The following LRMDA variants were observed in gnomAD, a reference collection of about 807,000 sequenced individuals.
LRMDA encodes the protein leucine rich melanocyte differentiation associated.
Under a neutral mutation model 29.8 loss-of-function variants are expected in LRMDA, and 18 were observed. The ratio of observed to expected loss-of-function variants is 0.60; its 90% CI spans 0.42 to 0.90. The LOEUF (loss-of-function observed/expected upper bound fraction) is 0.90, where lower values mean the gene tolerates loss of function less well. Ranked by LOEUF, LRMDA falls within the 40% of genes least tolerant of loss-of-function variation. The pLI, the probability that LRMDA is intolerant of heterozygous loss-of-function variation, is 0.00. For synonymous variants in LRMDA, 125 were observed against 109.4 expected (o/e 1.14, Z -0.89); for missense variants, 273 against 273.9 (o/e 1.00, Z 0.02).
intron 5 of LRMDA, among the ~76,000 whole-genome samples, chr10:76,252,389 T>C (rs1412151976): frequency 1.3e-5 from 2 of 152,126 alleles, no homozygotes; most frequent in African/African-American, 2.4e-5. Context: ...TTTGACATAA[T>C]ATTGTCAAGG....
At chr10:76,333,366 G>A (rs1443988459) in intron 6 of LRMDA, among the ~76,000 whole-genome samples, 3 of 152,176 alleles carry the variant, frequency 2.0e-5, no homozygotes, top group Non-Finnish European at 4.4e-5. Context: ...TGGTGGGATG[G>A]GATTGGAAGG....
At chr10:75,957,800 C>G (rs1846689841) in intron 2 of LRMDA, among the ~76,000 whole-genome samples, 1 of 151,998 alleles carries the variant, frequency 6.6e-6, no homozygotes, top group Admixed American at 6.6e-5. Context: ...GAGCAGGAGG[C>G]TTTTATAAGA....
intron 2 of LRMDA, among the ~76,000 whole-genome samples, chr10:75,860,382 C>T (rs548489580): frequency 2.2e-5 from 3 of 138,830 alleles, no homozygotes; most frequent in South Asian, 2.2e-4. Context: ...AGTGCAGTGG[C>T]GCGATCTCTG....
At chr10:75,913,807 C>T (rs1367153404) in intron 2 of LRMDA, among the ~76,000 whole-genome samples, 1 of 152,204 alleles carries the variant, frequency 6.6e-6, no homozygotes, top group Non-Finnish European at 1.5e-5. Context: ...GACAGGAGAA[C>T]GTCCTGGAGC....
intron 2 of LRMDA, among the ~76,000 whole-genome samples, chr10:76,014,243 A>G (rs1847845922): frequency 6.7e-6 from 1 of 150,086 alleles, no homozygotes. Context: ...GAGTCTTAAC[A>G]GAGATCATAT....
chr10:75,625,746 CTT>C (rs1436380913), intron 2 of LRMDA, among the ~76,000 whole-genome samples: 2 of 152,176 alleles, frequency 1.3e-5, no homozygotes, highest in Admixed American at 1.3e-4. Context: ...CCCCCACAAT[CTT>C]TTCCTTCTCA....
intron 2 of LRMDA, among the ~76,000 whole-genome samples, chr10:75,517,623 A>G (rs1425349793): frequency 6.6e-6 from 1 of 152,182 alleles, no homozygotes; most frequent in Non-Finnish European, 1.5e-5. Context: ...GGTTTTCTAA[A>G]TATACAGTCA....
intron 2 of LRMDA, among the ~76,000 whole-genome samples, chr10:75,802,762 A>G (rs1389458537): frequency 6.6e-6 from 1 of 152,048 alleles, no homozygotes; most frequent in Non-Finnish European, 1.5e-5. Context: ...ATTAAAAAAT[A>G]CTCTTCCAAT....
rs1211807292 is a variant in LRMDA at position 76,105,926 on chromosome 10, T to C, written c.516+47143T>C. On this transcript the variant is annotated intron_variant, in intron 5 of 6. Transcript: ENST00000611255. ...CATGCCCGGCTAATTTTTGTATTTT[T>C]AGTAGAGACAGGGTTCTGCCATGTT... Among the ~76,000 whole-genome samples the C allele has an allele frequency of 2.6e-5, 4 of 152,258 alleles. No homozygotes were observed. The East Asian group carries it at 5.8e-4, about 22-fold the overall frequency.
rs562713986 is a variant in LRMDA, at chr10:76,126,680, A to G, written c.516+67897A>G. 2.9e-4 allele frequency among the ~76,000 whole-genome samples: 44 copies of G among 152,130 alleles called. 1 individual carries two copies. Among genetic ancestry groups the G allele is most frequent in the African/African-American group, 1.0e-3 (43 of 41,502 alleles). On this transcript the variant is annotated intron_variant, in intron 5 of 6. Transcript: ENST00000611255. Reference sequence around the variant, plus strand: ...TACATTTTGTTCTTTTTGTTGCTCCATGTAAGGGGCCTCATGGATTGCTGA... The same window carrying G: ...TACATTTTGTTCTTTTTGTTGCTCCGTGTAAGGGGCCTCATGGATTGCTGA...
chr10:75,490,736 G>A (rs1257612618), intron 2 of LRMDA, among the ~76,000 whole-genome samples: 3 of 152,138 alleles, frequency 2.0e-5, no homozygotes, highest in Non-Finnish European at 4.4e-5. Flanking sequence ...TTCCATCTAT[G>A]TGACCCTACC....
chr10:75,816,119 C>T (rs1208257170), intron 2 of LRMDA, among the ~76,000 whole-genome samples: 1 of 152,220 alleles, frequency 6.6e-6, no homozygotes, highest in Non-Finnish European at 1.5e-5. Context: ...TATCCCAGAT[C>T]TCTCTGCTAC....
intron 6 of LRMDA, among the ~76,000 whole-genome samples, chr10:76,449,181 TTATG>T (rs766970583): frequency 2.6e-5 from 4 of 151,808 alleles, no homozygotes; most frequent in Admixed American, 6.6e-5. Context: ...ATATATGAGT[TTATG>T]TATTTATTTA....
chr10:76,349,223 A>G (rs1021983767), intron 6 of LRMDA, among the ~76,000 whole-genome samples: 2 of 152,170 alleles, frequency 1.3e-5, no homozygotes, highest in Non-Finnish European at 2.9e-5. Context: ...GCCACATAGT[A>G]GGCATTTTAG....
chr10:75,888,141 G>C (rs1326184055), intron 2 of LRMDA, among the ~76,000 whole-genome samples: 2 of 152,162 alleles, frequency 1.3e-5, no homozygotes, highest in Admixed American at 6.5e-5. Context: ...CAACAGCCAA[G>C]AGGCTCCTGA....
rs369169103 is a variant in LRMDA, at chr10:75,479,529, C to T, written c.131+41035C>T. On this transcript the variant is annotated intron_variant, in intron 2 of 6. Coordinates refer to ENST00000611255, the MANE Select transcript of LRMDA (RefSeq NM_001305581.2). ...CTAAAAAAAAAAAAAAAAAAGTACA[C>T]GCAACCTTGGGAGGAAGGAAGGGCA... Among the ~76,000 whole-genome samples the T allele has an allele frequency of 2.8e-3, 428 of 150,810 alleles. 5 individuals carry two copies. Among genetic ancestry groups the T allele is most frequent in the African/African-American group, 9.1e-3 (375 of 41,036 alleles).
intron 2 of LRMDA, among the ~76,000 whole-genome samples, chr10:75,586,297 C>CT (rs1840654059): frequency 1.3e-5 from 2 of 148,222 alleles, no homozygotes; most frequent in South Asian, 4.3e-4. Context: ...TGCATGCCCA[C>CT]TAACACTGTG....
At chr10:75,715,130 C>T (rs991871402) in intron 2 of LRMDA, among the ~76,000 whole-genome samples, 35 of 152,206 alleles carry the variant, frequency 2.3e-4, no homozygotes, top group African/African-American at 7.0e-4. Context: ...GGTGCTGAGA[C>T]GGTGAGGGGC....
chr10:76,251,223 C>CGGGGG, intron 5 of LRMDA, among the ~76,000 whole-genome samples: 1 of 119,152 alleles, frequency 8.4e-6, no homozygotes, highest in Admixed American at 9.6e-5. Context: ...TCTCCCGTCG[C>CGGGGG]TTCTTTTTTT....
Sources: gnomAD v4.1 joint callset for allele counts (sites outside exome capture counted in the v4.1 genomes callset) on GRCh38, gnomAD v4.1.1 for gene constraint, MANE v1.5 for transcripts, NCBI Gene and HGNC (gene_info 2026-07-23, HGNC 2026-07-21) for gene names.